COL19A1: variants seen among roughly 807,000 people sequenced by gnomAD.
The protein encoded by COL19A1 is collagen alpha-1(XIX) chain.
COL19A1 carries 159 observed loss-of-function variants against 190.2 expected under a neutral mutation model. The observed-to-expected ratio is 0.84, with a 90% CI of 0.73 to 0.95. COL19A1 has a LOEUF of 0.95. Among genes scored for constraint, COL19A1 ranks in the 40% least tolerant of loss-of-function variants. The pLI, the probability that COL19A1 is intolerant of heterozygous loss-of-function variation, is 0.00. For synonymous variants in COL19A1, 509 were observed against 458.9 expected, an observed-to-expected ratio of 1.11 and a Z score of -1.39; for missense variants, 1,418 against 1,431.9, an observed-to-expected ratio of 0.99 and a Z score of 0.16.
At chr6:69,931,494 G>A (rs1202024846) in intron 6 of COL19A1, among the ~76,000 whole-genome samples, 1 of 151,946 alleles carries the variant, frequency 6.6e-6, no homozygotes, top group Non-Finnish European at 1.5e-5. Context: ...GTACATAATA[G>A]GATTTCAATA....
At chr6:70,033,187 C>T (rs980672901) in intron 12 of COL19A1, among the ~76,000 whole-genome samples, 6 of 152,146 alleles carry the variant, frequency 3.9e-5, no homozygotes, top group African/African-American at 1.4e-4. Flanking sequence ...TTTTCACACA[C>T]TGTCTGCAAC....
intron 18 of COL19A1, among the ~76,000 whole-genome samples, chr6:70,136,437 A>G (rs761457031): frequency 6.6e-6 from 1 of 152,184 alleles, no homozygotes; most frequent in Non-Finnish European, 1.5e-5. Flanking sequence ...ACATGTTAGA[A>G]TGCTACTCAT....
At chr6:69,903,935 T>C (rs888095270) in intron 4 of COL19A1, among the ~76,000 whole-genome samples, 1 of 152,146 alleles carries the variant, frequency 6.6e-6, no homozygotes, top group African/African-American at 2.4e-5. Flanking sequence ...ATTAATAAGA[T>C]CATGACACAT....
intron 2 of COL19A1, among the ~76,000 whole-genome samples, chr6:69,895,390 C>CA (rs2149965788): frequency 6.6e-6 from 1 of 152,332 alleles, no homozygotes; most frequent in Non-Finnish European, 1.5e-5. Context: ...CATTGAACAC[C>CA]AAAAATGTCG....
chr6:70,206,041 A>T (rs924132897), intron 49 of COL19A1, among the ~76,000 whole-genome samples: 12 of 152,312 alleles, frequency 7.9e-5, no homozygotes, highest in African/African-American at 2.9e-4. Flanking sequence ...CACAGACCTG[A>T]CTTTTTAGAT....
chr6:70,123,496 G>A (rs1181266967), intron 17 of COL19A1, among the ~76,000 whole-genome samples: 1 of 148,830 alleles, frequency 6.7e-6, no homozygotes, highest in African/African-American at 2.5e-5. Context: ...CTGCTATAAA[G>A]ACACATGCAC....
intron 22 of COL19A1, 145 bp downstream of exon 22, chr6:70,142,221 A>G (rs769014079): frequency 2.8e-6 from 2 of 723,556 alleles, no homozygotes; most frequent in Non-Finnish European, 4.5e-6. Flanking sequence ...GATTTTCCCC[A>G]CTGGCTGCAT....
chr6:70,054,714 G>A (rs968754394), intron 14 of COL19A1, among the ~76,000 whole-genome samples: 4 of 152,150 alleles, frequency 2.6e-5, no homozygotes, highest in Admixed American at 2.6e-4. Flanking sequence ...AAATGCATTG[G>A]GGACAACTAC....
At chr6:70,036,795 AT>A (rs1210537292) in intron 14 of COL19A1, among the ~76,000 whole-genome samples, 5 of 152,192 alleles carry the variant, frequency 3.3e-5, no homozygotes, top group Non-Finnish European at 5.9e-5. Flanking sequence ...AGAAGGTCAG[AT>A]TTTTAAAAGT....
chr6:70,180,630 G>A, intron 44 of COL19A1, 107 bp downstream of exon 44: 1 of 1,190,344 alleles, frequency 8.4e-7, no homozygotes, highest in Non-Finnish European at 1.2e-6. Flanking sequence ...CAGTTTCCAA[G>A]GAGTAAGAAG....
At chr6:70,023,781 G>A in intron 12 of COL19A1, 101 bp downstream of exon 12, 1 of 999,110 alleles carries the variant, frequency 1.0e-6, no homozygotes, top group Non-Finnish European at 1.5e-6. Context: ...GAGCCAGCCA[G>A]CCATGATCCA....
intron 49 of COL19A1, among the ~76,000 whole-genome samples, chr6:70,200,317 A>T (rs1468336280): frequency 6.6e-6 from 1 of 152,248 alleles, no homozygotes; most frequent in Non-Finnish European, 1.5e-5. Flanking sequence ...ATTTTGTTCC[A>T]CTTATGACAA....
intron 9 of COL19A1, among the ~76,000 whole-genome samples, chr6:69,944,529 T>C (rs1251476737): frequency 6.6e-6 from 1 of 152,148 alleles, no homozygotes; most frequent in East Asian, 1.9e-4. Flanking sequence ...TTGTTAACTA[T>C]TGTTCTACTA....
chr6:70,085,119 T>C (rs1252039346), intron 15 of COL19A1, among the ~76,000 whole-genome samples: 1 of 152,188 alleles, frequency 6.6e-6, no homozygotes, highest in African/African-American at 2.4e-5. Flanking sequence ...ATAATATTAA[T>C]TTCTAAGTAT....
Position 70,076,280 on chromosome 6 carries a change from G to A in COL19A1, c.1224+7804G>A, listed in dbSNP as rs151287390. On this transcript the variant is annotated intron_variant, in intron 15 of 50. Transcript: ENST00000620364. ...GGCTGCAGGGCTATTTATTCTAACT[G>A]TTCTGCATAATATACACCCATTGTC... Among the ~76,000 whole-genome samples, 43 of 152,290 alleles carry A rather than the reference G, an allele frequency of 2.8e-4. No homozygotes were observed. In the East Asian group the frequency reaches 6.9e-3, roughly 25 times the overall value.
At chr6:70,017,937 C>CA (rs767379817) in intron 11 of COL19A1, among the ~76,000 whole-genome samples, 5 of 152,030 alleles carry the variant, frequency 3.3e-5, no homozygotes, top group Non-Finnish European at 7.4e-5. Context: ...TGAATGCAAA[C>CA]AGGAGTATTG....
At chr6:69,961,804 GTA>G (rs962270428) in intron 10 of COL19A1, among the ~76,000 whole-genome samples, 1 of 151,452 alleles carries the variant, frequency 6.6e-6, no homozygotes, top group African/African-American at 2.4e-5. Flanking sequence ...AATTATGTGG[GTA>G]TATATATATA....
intron 31 of COL19A1, among the ~76,000 whole-genome samples, chr6:70,153,269 G>A (rs972172940): frequency 6.6e-6 from 1 of 152,038 alleles, no homozygotes. Flanking sequence ...TGAGTCTTTA[G>A]ACAATTTGAT....
In COL19A1 at chr6:70,083,364, T is replaced by A. The variant is rs1212610540; in HGVS notation, c.1224+14888T>A. 4.6e-5 allele frequency among the ~76,000 whole-genome samples: 7 copies of A among 152,294 alleles called. No individual in the cohort carries two copies. The South Asian group carries it at 8.3e-4, about 18-fold the overall frequency. Reference sequence around the variant, plus strand: ...TTCATTTTTCCCTAATTTTTAAAAATTTTATTTTTAAGGCATAATTTTTTG... The same window carrying A: ...TTCATTTTTCCCTAATTTTTAAAAAATTTATTTTTAAGGCATAATTTTTTG... On this transcript the variant is annotated intron_variant, in intron 15 of 50. Coordinates refer to ENST00000620364, the MANE Select transcript of COL19A1 (RefSeq NM_001858.6).
Sources: gnomAD v4.1 joint callset for allele counts (sites outside exome capture counted in the v4.1 genomes callset) on GRCh38, gnomAD v4.1.1 for gene constraint, MANE v1.5 for transcripts, NCBI Gene and HGNC (gene_info 2026-07-23, HGNC 2026-07-21) for gene names.